The following PTPN13 variants were observed in gnomAD, a reference collection of about 807,000 sequenced individuals.
PTPN13 encodes the protein protein tyrosine phosphatase non-receptor type 13, also known as tyrosine-protein phosphatase non-receptor type 13.
A neutral mutation model predicts 284.0 loss-of-function variants in PTPN13; 191 were observed. The observed-to-expected ratio is 0.67, with a 90% CI of 0.60 to 0.76. The LOEUF (loss-of-function observed/expected upper bound fraction) is 0.76, where lower values mean the gene tolerates loss of function less well. Among genes scored for constraint, PTPN13 ranks in the 30% least tolerant of loss-of-function variants. The probability of loss-of-function intolerance (pLI) is 0.00; values close to 1 mark genes in which losing one functional copy is unlikely to be tolerated. For missense variants in PTPN13, 2,797 were observed against 2,939.9 expected, an observed-to-expected ratio of 0.95 and a Z score of 1.12; for synonymous variants, 986 against 1,022.3, an observed-to-expected ratio of 0.96 and a Z score of 0.68.
chr4:86,775,044 C>A (rs1463020347), intron 33 of PTPN13, 127 bp from the exon 34 acceptor site: 1 of 605,060 alleles, frequency 1.7e-6, no homozygotes, highest in Non-Finnish European at 2.7e-6. Flanking sequence ...AATTAGAGAT[C>A]ACTGTTGTGA....
intron 20 of PTPN13, 60 bp downstream of exon 20, chr4:86,753,125 G>A: frequency 7.6e-7 from 1 of 1,307,880 alleles, no homozygotes; most frequent in Non-Finnish European, 1.1e-6. Flanking sequence ...TACTGAGATA[G>A]TCTTGGACCT....
rs1483938575 is a variant in PTPN13 at position 86,758,772 on chromosome 4, A to T, written c.3408A>T (p.Gly1136=). The T allele has an allele frequency of 1.9e-6, 3 of 1,613,410 alleles. No individual in the cohort carries two copies. The African/African-American group carries it at 4.0e-5, about 22-fold the overall frequency. ...VAPGGPADLD[G]CLKPGDRLIS... Reference sequence around the variant, plus strand: ...CTGGAGGACCAGCTGACTTGGATGGATGCTTGAAGCCAGGTACTTTACATT... The same window carrying T: ...CTGGAGGACCAGCTGACTTGGATGGTTGCTTGAAGCCAGGTACTTTACATT... The change falls in exon 22 of 48, where the codon GGA becomes GGT. Residue 1136 remains glycine (G), a synonymous_variant. Transcript: ENST00000411767.
At chr4:86,621,812 T>C (rs1430743973) in intron 1 of PTPN13, among the ~76,000 whole-genome samples, 1 of 152,142 alleles carries the variant, frequency 6.6e-6, no homozygotes, top group African/African-American at 2.4e-5. Flanking sequence ...ATTTTTCTTT[T>C]TTTTCTTATT....
At chr4:86,654,591 T>C in intron 2 of PTPN13, among the ~76,000 whole-genome samples, 1 of 152,236 alleles carries the variant, frequency 6.6e-6, no homozygotes, top group Non-Finnish European at 1.5e-5. Context: ...CTAGTTTGAT[T>C]GCACTGTGGT....
At chr4:86,769,007 G>GCC (rs1434359700) in intron 28 of PTPN13, among the ~76,000 whole-genome samples, 1 of 151,876 alleles carries the variant, frequency 6.6e-6, no homozygotes, top group Admixed American at 6.6e-5. Context: ...ACCACACCCA[G>GCC]CCCCATCATT....
At chr4:86,769,233 T>A (rs918459760) in intron 28 of PTPN13, among the ~76,000 whole-genome samples, 1 of 152,202 alleles carries the variant, frequency 6.6e-6, no homozygotes, top group Non-Finnish European at 1.5e-5. Flanking sequence ...ACATTTATTT[T>A]GTTCTTCTTT....
intron 2 of PTPN13, among the ~76,000 whole-genome samples, chr4:86,639,345 A>G (rs1439499013): frequency 6.6e-6 from 1 of 152,192 alleles, no homozygotes; most frequent in Non-Finnish European, 1.5e-5. Flanking sequence ...CCAAAGGACT[A>G]TAAATCATGC....
intron 2 of PTPN13, among the ~76,000 whole-genome samples, chr4:86,657,031 A>C (rs1725915654): frequency 6.6e-6 from 1 of 152,196 alleles, no homozygotes; most frequent in Non-Finnish European, 1.5e-5. Flanking sequence ...AGCCAGGAGC[A>C]GGATATTATC....
Position 86,805,368 on chromosome 4 carries a change from C to A in PTPN13, c.6744C>A (p.Pro2248=). ...RRKNRYKNIL[P]YDATRVPLGD... Reference sequence around the variant, plus strand: ...AGAACAGATATAAAAATATACTTCCCTGTAAGTTCCAGTTTGGCTTCAGAT... The same window carrying A: ...AGAACAGATATAAAAATATACTTCCATGTAAGTTCCAGTTTGGCTTCAGAT... Residue 2248 remains proline, a splice_region_variant and synonymous_variant, in exon 44 of 48, where the codon CCC becomes CCA. Transcript: ENST00000411767. 1 of 1,560,572 alleles carries A rather than the reference C, an allele frequency of 6.4e-7. No homozygotes were observed. The highest frequency in any genetic ancestry group is 8.8e-7 in the Non-Finnish European group (1 of 1,139,028).
chr4:86,716,651 C>G, intron 8 of PTPN13, 26 bp downstream of exon 8: 1 of 1,420,054 alleles, frequency 7.0e-7, no homozygotes, highest in East Asian at 2.4e-5. Flanking sequence ...AACAAGCAAA[C>G]TGTTTTTAAG....
chr4:86,617,210 C>T (rs1477731690), intron 1 of PTPN13, among the ~76,000 whole-genome samples: 3 of 152,062 alleles, frequency 2.0e-5, no homozygotes, highest in African/African-American at 7.2e-5. Context: ...CACAAGTTCC[C>T]TGTGGCCATT....
intron 1 of PTPN13, among the ~76,000 whole-genome samples, chr4:86,619,792 C>T (rs1286388071): frequency 6.6e-6 from 1 of 151,520 alleles, no homozygotes; most frequent in Non-Finnish European, 1.5e-5. Flanking sequence ...ATACTTGTCT[C>T]CATGATGAGG....
Position 86,807,190 on chromosome 4 carries a change from A to G in PTPN13, c.6746-370A>G, listed in dbSNP as rs548918084. On this transcript the variant is annotated intron_variant, in intron 44 of 47. Coordinates refer to ENST00000411767, the MANE Select transcript of PTPN13 (RefSeq NM_080683.3). The stretch of plus-strand genomic sequence containing the variant: ...CAGTGCTATTATTATTATCATCATC[A>G]TCATTAAAATAATGATGGAGAAGTA... Among the ~76,000 whole-genome samples, 233 of 152,312 alleles carry G rather than the reference A, an allele frequency of 1.5e-3. No homozygotes were observed. The Middle Eastern group carries it at 0.02, about 13-fold the overall frequency.
intron 2 of PTPN13, among the ~76,000 whole-genome samples, chr4:86,637,101 CACAT>C (rs1292292423): frequency 1.3e-5 from 2 of 152,142 alleles, no homozygotes; most frequent in African/African-American, 4.8e-5. Context: ...AATTCCTCGA[CACAT>C]ACACTCTCCC....
chr4:86,689,633 C>T (rs1311654682), intron 5 of PTPN13: 8 of 701,962 alleles, frequency 1.1e-5, no homozygotes, highest in African/African-American at 1.7e-5. Context: ...TTTCCCAAAC[C>T]TTCTCCACTT....
At chr4:86,610,862 G>A (rs1289125867) in intron 1 of PTPN13, among the ~76,000 whole-genome samples, 1 of 152,194 alleles carries the variant, frequency 6.6e-6, no homozygotes, top group Non-Finnish European at 1.5e-5. Context: ...CTTATTAAGA[G>A]ATAATGGTAT....
chr4:86,741,004 G>A (rs183580567), intron 15 of PTPN13, among the ~76,000 whole-genome samples: 66 of 152,098 alleles, frequency 4.3e-4, no homozygotes, highest in Admixed American at 1.2e-3. Context: ...CTCCATCTGA[G>A]ACCACCTCAG....
At chr4:86,658,330 A>C (rs1365371290) in intron 2 of PTPN13, among the ~76,000 whole-genome samples, 1 of 152,214 alleles carries the variant, frequency 6.6e-6, no homozygotes, top group African/African-American at 2.4e-5. Flanking sequence ...TGCTGTAGTC[A>C]ATGCAAGACT....
Sources: allele counts gnomAD v4.1 joint callset (sites outside exome capture counted in the v4.1 genomes callset), GRCh38; gene constraint gnomAD v4.1.1; transcripts MANE v1.5; gene names NCBI Gene and HGNC (gene_info 2026-07-23, HGNC 2026-07-21).